Variants in BRINP2 observed in about 807,000 individuals in gnomAD.
BRINP2 encodes the protein BMP/retinoic acid inducible neural specific 2.
Under a neutral mutation model 69.2 loss-of-function variants are expected in BRINP2, and 21 were observed. The ratio of observed to expected loss-of-function variants is 0.30; its 90% CI spans 0.22 to 0.44. The LOEUF (loss-of-function observed/expected upper bound fraction) is 0.44. Among genes scored for constraint, BRINP2 ranks in the 20% least tolerant of loss-of-function variants. The pLI is 1.00. For missense variants in BRINP2, 877 were observed against 986.0 expected, an observed-to-expected ratio of 0.89 and a Z score of 1.48; for synonymous variants, 380 against 394.1, an observed-to-expected ratio of 0.96 and a Z score of 0.42.
At chr1:177,213,831 CCTAG>C (rs1649297557) in intron 1 of BRINP2, among the ~76,000 whole-genome samples, 1 of 152,062 alleles carries the variant, frequency 6.6e-6, no homozygotes, top group African/African-American at 2.4e-5. Flanking sequence ...TATTTTATGT[CCTAG>C]CTAAATGGAA....
intron 1 of BRINP2, among the ~76,000 whole-genome samples, chr1:177,180,621 T>C (rs942100754): frequency 1.3e-5 from 2 of 152,060 alleles, no homozygotes; most frequent in East Asian, 1.9e-4. Flanking sequence ...AACCCCAATA[T>C]ATAAAGCAGA....
At chr1:177,230,687 G>A (rs889552590) in intron 2 of BRINP2, among the ~76,000 whole-genome samples, 25 of 152,200 alleles carry the variant, frequency 1.6e-4, no homozygotes, top group African/African-American at 5.5e-4. Flanking sequence ...AGGCCCTTTA[G>A]GCCCATCCCC....
intron 2 of BRINP2, among the ~76,000 whole-genome samples, chr1:177,245,575 A>T (rs1364254186): frequency 6.6e-6 from 1 of 152,180 alleles, no homozygotes; most frequent in Non-Finnish European, 1.5e-5. Flanking sequence ...GCACAATGGG[A>T]GGCAGATAGT....
In BRINP2 at chr1:177,273,484, C is replaced by G. The variant is rs757765580; in HGVS notation, c.670-4C>G. ...AACCCACTCCCTACTCCTTCCTTCT[C>G]TAGGTCACCGAGACCAGGACCGGTC... On this transcript the variant is annotated splice_polypyrimidine_tract_variant and splice_region_variant and intron_variant, in intron 4 of 7. Coordinates refer to ENST00000361539, the MANE Select transcript of BRINP2 (RefSeq NM_021165.4). 5.0e-6 allele frequency: 8 copies of G among 1,604,332 alleles called. No individual in the cohort carries two copies. Among genetic ancestry groups the G allele is most frequent in the African/African-American group, 4.0e-5 (3 of 74,236 alleles).
intron 1 of BRINP2, among the ~76,000 whole-genome samples, chr1:177,189,486 C>T (rs1648525687): frequency 6.6e-6 from 1 of 152,116 alleles, no homozygotes; most frequent in African/African-American, 2.4e-5. Flanking sequence ...AGAAAAGGAC[C>T]ATAGCCAACG....
At chr1:177,194,783 G>A (rs1648693130) in intron 1 of BRINP2, among the ~76,000 whole-genome samples, 1 of 152,144 alleles carries the variant, frequency 6.6e-6, no homozygotes, top group Non-Finnish European at 1.5e-5. Flanking sequence ...GTATGTGTGT[G>A]TGTGTGTGCA....
At chr1:177,256,180 G>T (rs1034756902) in intron 3 of BRINP2, 71 bp downstream of exon 3, 1 of 1,531,880 alleles carries the variant, frequency 6.5e-7, no homozygotes, top group African/African-American at 1.4e-5. Context: ...CTCGTGTAGC[G>T]TAGCTCCAAC....
chr1:177,189,328 A>G (rs1341128547), intron 1 of BRINP2, among the ~76,000 whole-genome samples: 1 of 152,176 alleles, frequency 6.6e-6, no homozygotes, highest in Non-Finnish European at 1.5e-5. Context: ...TTGTTTGTCA[A>G]CAAGGTCCAT....
In BRINP2 at chr1:177,256,128, C is replaced by T. The variant is rs1468723765; in HGVS notation, c.460+19C>T. 6.2e-7 allele frequency: 1 copy of T among 1,610,656 alleles called. No homozygotes were observed. The highest frequency in any genetic ancestry group is 1.7e-5 in the Admixed American group (1 of 59,924). ...CTTGGAGGTAAGCAACATCACAATC[C>T]CAAGCTAATTGGTTGCCAGACCATT... On this transcript the variant is annotated intron_variant, in intron 3 of 7. Transcript: ENST00000361539.
Position 177,281,840 on chromosome 1 carries a change from A to T in BRINP2, c.*312A>T. 1 of 243,356 alleles carries T rather than the reference A, an allele frequency of 4.1e-6. No individual in the cohort carries two copies. The highest frequency in any genetic ancestry group is 7.8e-6 in the Non-Finnish European group (1 of 127,666). 15.1% of individuals were successfully genotyped at this position (243,356 alleles called of 1,614,324 possible). On this transcript the variant is annotated 3_prime_UTR_variant, in exon 8 of 8. Coordinates refer to ENST00000361539, the MANE Select transcript of BRINP2 (RefSeq NM_021165.4). ...AAAGAAAGGAGCCAAGGAAGAGATT[A>T]AGAAAAAGAACCAGCTGAACCATGA... is the stretch of plus-strand genomic sequence containing the variant.
At chr1:177,264,067 G>A (rs540142641) in intron 4 of BRINP2, among the ~76,000 whole-genome samples, 2 of 152,230 alleles carry the variant, frequency 1.3e-5, no homozygotes, top group African/African-American at 4.8e-5. Flanking sequence ...ACAGAACTCT[G>A]TGAAAGCCTC....
intron 1 of BRINP2, among the ~76,000 whole-genome samples, chr1:177,172,412 A>T (rs1647964914): frequency 1.3e-5 from 2 of 152,086 alleles, no homozygotes; most frequent in South Asian, 4.1e-4. Context: ...TGTTTTTGTG[A>T]TCATCTGGGT....
intron 1 of BRINP2, among the ~76,000 whole-genome samples, chr1:177,177,286 A>G (rs2102286187): frequency 6.6e-6 from 1 of 150,414 alleles, no homozygotes; most frequent in African/African-American, 2.4e-5. Flanking sequence ...TTATAAAAAC[A>G]AACAAACAAA....
intron 4 of BRINP2, among the ~76,000 whole-genome samples, chr1:177,269,672 C>T (rs1334362504): frequency 6.6e-6 from 1 of 152,200 alleles, no homozygotes; most frequent in East Asian, 1.9e-4. Context: ...ATTAGAAGCC[C>T]ATTTCACTCT....
Position 177,252,563 on chromosome 1 carries a change from A to G in BRINP2, c.270-3356A>G, listed in dbSNP as rs1650616304. Among the ~76,000 whole-genome samples, 4 of 152,168 alleles carry G rather than the reference A, an allele frequency of 2.6e-5. No homozygotes were observed. The South Asian group carries it at 6.2e-4, about 24-fold the overall frequency. On this transcript the variant is annotated intron_variant, in intron 2 of 7. Coordinates refer to ENST00000361539, the MANE Select transcript of BRINP2 (RefSeq NM_021165.4). ...ATATACATCACCTCAAACATCTATC[A>G]TTTCTTTGTGGTGATAACTTTCAAG...
At chr1:177,173,648 G>A (rs965918336) in intron 1 of BRINP2, among the ~76,000 whole-genome samples, 4 of 152,172 alleles carry the variant, frequency 2.6e-5, no homozygotes, top group East Asian at 1.9e-4. Context: ...TATCTTCTAC[G>A]TGCTCCTTTC....
rs370977427 is a variant in BRINP2 at position 177,255,960 on chromosome 1, G to A, written c.311G>A (p.Arg104Lys). The change falls in exon 3 of 8, where the codon AGG becomes AAG. Residue 104 changes from arginine to lysine, a missense_variant. By Grantham distance (26) the Arg-to-Lys change is conservative (BLOSUM62 2). This residue lies in a region of BRINP2 where 566 missense variants were observed against 625.2 expected (regional missense o/e 0.91). Coordinates refer to ENST00000361539, the MANE Select transcript of BRINP2 (RefSeq NM_021165.4). ...AAGGTGAACAACTTGGCTCTGGAAA[G>A]GAAGGACTTCTTCAGTTTGCCATTG... Reference protein sequence around the residue: ...RWKVNNLALERKDFFSLPLPL... With the variant: ...RWKVNNLALEKKDFFSLPLPL... 21 of 1,614,092 alleles carry A rather than the reference G, an allele frequency of 1.3e-5. No homozygotes were observed. Among genetic ancestry groups the A allele is most frequent in the African/African-American group, 2.7e-5 (2 of 74,938 alleles).
intron 2 of BRINP2, among the ~76,000 whole-genome samples, chr1:177,249,473 T>C (rs1490451390): frequency 2.0e-5 from 3 of 152,162 alleles, no homozygotes; most frequent in Non-Finnish European, 4.4e-5. Flanking sequence ...CTAAAGACAC[T>C]TTACATAGGG....
chr1:177,202,840 A>G (rs1255378093), intron 1 of BRINP2, among the ~76,000 whole-genome samples: 1 of 152,192 alleles, frequency 6.6e-6, no homozygotes, highest in Non-Finnish European at 1.5e-5. Flanking sequence ...GGTGCTGGAG[A>G]GGATGTGGAC....
Sources: allele counts gnomAD v4.1 joint callset (sites outside exome capture counted in the v4.1 genomes callset), GRCh38; gene constraint gnomAD v4.1.1; regional missense constraint gnomAD v4.1.1; transcripts MANE v1.5; gene names NCBI Gene and HGNC (gene_info 2026-07-23, HGNC 2026-07-21).